Variants in SFI1 observed in about 807,000 individuals in gnomAD.
SFI1 encodes the protein SFI1 centrin binding protein, also known as protein SFI1 homolog.
In SFI1, 195 loss-of-function variants were observed where a neutral mutation model predicts 207.5. The ratio of observed to expected loss-of-function variants is 0.94; its 90% CI spans 0.84 to 1.06. The LOEUF is 1.06. SFI1 is among the 50% of genes least tolerant of loss of function. The probability of loss-of-function intolerance (pLI) is 0.00; values close to 1 mark genes in which losing one functional copy is unlikely to be tolerated. For missense variants in SFI1, 1,634 were observed against 1,588.0 expected (o/e 1.03, Z -0.49); for synonymous variants, 630 against 598.9 (o/e 1.05, Z -0.76).
chr22:31,612,886 C>G (rs1430934457), intron 24 of SFI1: 2 of 513,794 alleles, frequency 3.9e-6, no homozygotes, highest in Non-Finnish European at 7.0e-6. Context: ...ATTCCCCGGA[C>G]CTCAGGCCGC....
chr22:31,607,329 G>T (rs778321171), intron 21 of SFI1, among the ~76,000 whole-genome samples: 1 of 152,158 alleles, frequency 6.6e-6, no homozygotes. Flanking sequence ...GAGGCCGGGC[G>T]CAGTGGCTCA....
intron 4 of SFI1, among the ~76,000 whole-genome samples, chr22:31,533,156 T>A (rs997084120): frequency 2.6e-5 from 4 of 152,196 alleles, no homozygotes; most frequent in African/African-American, 4.8e-5. Flanking sequence ...TAGCCCAGGT[T>A]TCCTGAAGAA....
At chr22:31,514,520 A>T (rs992867608) in intron 2 of SFI1, among the ~76,000 whole-genome samples, 9 of 150,936 alleles carry the variant, frequency 6.0e-5, no homozygotes, top group East Asian at 3.9e-4. Flanking sequence ...AAAAAAAAAA[A>T]AAAAAAAAAA....
chr22:31,530,557 T>TG (rs761934530), intron 3 of SFI1: 70 of 465,264 alleles, frequency 1.5e-4, no homozygotes, highest in South Asian at 1.1e-3. Flanking sequence ...TGCTAGGTAC[T>TG]GGAGGTACTA....
chr22:31,607,910 C>T, intron 21 of SFI1, 27 bp from the exon 22 acceptor site: 4 of 1,608,678 alleles, frequency 2.5e-6, no homozygotes, highest in Non-Finnish European at 3.4e-6. Flanking sequence ...TATAGTGACT[C>T]TTGCTGTGCT....
chr22:31,582,236 A>ATT lies in SFI1; in HGVS notation c.1249-1609_1249-1608dup, dbSNP rs1161846940. ...TATATATATATATATATATATATATATTTTTTTTTTTTTTTTTTTTTTTTT... is the reference window on the plus strand; with the variant it reads ...TATATATATATATATATATATATATATTTTTTTTTTTTTTTTTTTTTTTTTTT... On this transcript the variant is annotated intron_variant, in intron 12 of 32. Transcript: ENST00000400288. Among the ~76,000 whole-genome samples, 52 of 10,138 alleles carry ATT rather than the reference A, an allele frequency of 5.1e-3. 11 individuals carry two copies. The highest frequency in any genetic ancestry group is 0.013 in the East Asian group (2 of 152). 6.7% of individuals were successfully genotyped at this position (10,138 alleles called of 152,430 possible). A position where few individuals can be genotyped will look rare whatever the true frequency, so the allele number is the denominator to read the frequency against.
chr22:31,577,274 T>TG (rs2063624999), intron 10 of SFI1, among the ~76,000 whole-genome samples: 1 of 152,130 alleles, frequency 6.6e-6, no homozygotes, highest in Non-Finnish European at 1.5e-5. Flanking sequence ...TTGGGAAGGT[T>TG]GATGTCTTAG....
chr22:31,528,769 A>T lies in SFI1; in HGVS notation c.172A>T (p.Ile58Phe). The change falls in exon 3 of 33, where the codon ATC becomes TTC. Residue 58 changes from isoleucine (I) to phenylalanine (F), a missense_variant. Physicochemically the swap from Ile to Phe is conservative, Grantham distance 21. Transcript: ENST00000400288. ...CAAGAAGTCTTCTGCATCCTTTGGGATCCGGAGGGAGTTACCTAGTACCAG... is the reference window on the plus strand; with the variant it reads ...CAAGAAGTCTTCTGCATCCTTTGGGTTCCGGAGGGAGTTACCTAGTACCAG... ...SNKKSSASFGIRRELPSTSHL... is the reference protein window; with the variant it reads ...SNKKSSASFGFRRELPSTSHL... 6.2e-7 allele frequency: 1 copy of T among 1,614,106 alleles called. No homozygotes were observed. Among genetic ancestry groups the T allele is most frequent in the South Asian group, 1.1e-5 (1 of 91,080 alleles).
In SFI1 at chr22:31,613,830, G is replaced by T; in HGVS notation, c.2971G>T (p.Ala991Ser). 1 of 1,608,514 alleles carries T rather than the reference G, an allele frequency of 6.2e-7. No individual in the cohort carries two copies. Among genetic ancestry groups the T allele is most frequent in the Non-Finnish European group, 8.5e-7 (1 of 1,177,754 alleles). The change falls in exon 27 of 33, where the codon GCT (alanine) becomes TCT (serine). Residue 991 changes from alanine to serine, a missense_variant. Transcript: ENST00000400288. ...TCTGGGAGCTCTGGGCCGCCTGGCT[G>T]CTGAGGAGCCCCACGCCCTGGAGCT... Reference protein sequence around the residue: ...RPLGALGRLAAEEPHALELNT... With the variant: ...RPLGALGRLASEEPHALELNT...
chr22:31,569,765 T>C (rs1162746150), intron 8 of SFI1, among the ~76,000 whole-genome samples: 2 of 152,042 alleles, frequency 1.3e-5, no homozygotes, highest in Admixed American at 6.6e-5. Flanking sequence ...CTGAGCAACA[T>C]GGTGAAACCC....
At chr22:31,552,104 C>G (rs903293342) in intron 6 of SFI1, among the ~76,000 whole-genome samples, 2 of 152,136 alleles carry the variant, frequency 1.3e-5, no homozygotes, top group Non-Finnish European at 1.5e-5. Context: ...CAGTTTAGCT[C>G]CCGCTTATAA....
Position 31,614,806 on chromosome 22 carries a change from C to G in SFI1, c.3014C>G (p.Ala1005Gly). ...HALELNTAHSARKQPRRPHFL... is the reference protein window; with the variant it reads ...HALELNTAHSGRKQPRRPHFL... ...CTTTCCAGCAACACTGCCCACTCAGCGAGGAAGCAGCCGCGACGCCCACAC... is the reference window on the plus strand; with the variant it reads ...CTTTCCAGCAACACTGCCCACTCAGGGAGGAAGCAGCCGCGACGCCCACAC... Residue 1005 changes from alanine (A) to glycine (G), a missense_variant, in exon 28 of 33, where the codon GCG becomes GGG. Transcript: ENST00000400288. 2 of 1,613,862 alleles carry G rather than the reference C, an allele frequency of 1.2e-6. No homozygotes were observed. The highest frequency in any genetic ancestry group is 4.5e-5 in the East Asian group (2 of 44,878).
intron 1 of SFI1, among the ~76,000 whole-genome samples, chr22:31,501,518 C>T (rs776334039): frequency 6.6e-6 from 1 of 152,036 alleles, no homozygotes; most frequent in Non-Finnish European, 1.5e-5. Flanking sequence ...ATGTGACTGG[C>T]TTTATTTATG....
intron 8 of SFI1, among the ~76,000 whole-genome samples, chr22:31,567,299 T>C (rs1483768327): frequency 2.0e-5 from 3 of 152,240 alleles, no homozygotes; most frequent in African/African-American, 7.2e-5. Context: ...GAATTTGATA[T>C]ATCTCATAAT....
At chr22:31,530,203 A>AAAAAAAAAAAAAT (rs1569227870) in intron 3 of SFI1, among the ~76,000 whole-genome samples, 9 of 127,812 alleles carry the variant, frequency 7.0e-5, no homozygotes, top group Admixed American at 2.7e-4. Flanking sequence ...AAAAAAAAAA[A>AAAAAAAAAAAAAT]GACAAGGCCG....
chr22:31,616,892 C>T lies in SFI1; in HGVS notation c.3433+15C>T, dbSNP rs1556395386. 4 of 1,608,964 alleles carry T rather than the reference C, an allele frequency of 2.5e-6. No individual in the cohort carries two copies. Among genetic ancestry groups the T allele is most frequent in the Non-Finnish European group, 3.4e-6 (4 of 1,177,434 alleles). On this transcript the variant is annotated intron_variant, in intron 30 of 32. Transcript: ENST00000400288. ...TTCAACTGCAGGTGTGTACCTGGGG[C>T]CTGTCAGGGCAGAAAGCACTCAGGC...
At chr22:31,577,601 G>A (rs558393739) in intron 10 of SFI1, among the ~76,000 whole-genome samples, 2 of 152,190 alleles carry the variant, frequency 1.3e-5, no homozygotes, top group African/African-American at 4.8e-5. Context: ...AGAAGAGGCT[G>A]GGGGCAGTGG....
At chr22:31,528,185 T>C (rs2058117553) in intron 2 of SFI1, among the ~76,000 whole-genome samples, 1 of 150,528 alleles carries the variant, frequency 6.6e-6, no homozygotes, top group Non-Finnish European at 1.5e-5. Context: ...CTCAGGAGGA[T>C]GTGGTAGGAG....
intron 31 of SFI1, among the ~76,000 whole-genome samples, chr22:31,617,380 A>G (rs2071815841): frequency 6.6e-6 from 1 of 152,088 alleles, no homozygotes; most frequent in African/African-American, 2.4e-5. Context: ...TAAAAACCCG[A>G]TGAGGCCATG....
Sources: allele counts gnomAD v4.1 joint callset (sites outside exome capture counted in the v4.1 genomes callset), GRCh38; gene constraint gnomAD v4.1.1; transcripts MANE v1.5; gene names NCBI Gene and HGNC (gene_info 2026-07-23, HGNC 2026-07-21).